The following XYLB variants were observed in gnomAD, a reference collection of about 807,000 sequenced individuals.
XYLB encodes xylulose kinase.
Under a neutral mutation model 78.7 loss-of-function variants are expected in XYLB, and 62 were observed. That is an observed-to-expected ratio of 0.79 (90% confidence interval 0.64 to 0.97). The LOEUF (loss-of-function observed/expected upper bound fraction) is 0.97. Ranked by LOEUF, XYLB falls within the 50% of genes least tolerant of loss-of-function variation. XYLB has a pLI of 0.00. For missense variants in XYLB, 687 were observed against 676.8 expected, an observed-to-expected ratio of 1.02 and a Z score of -0.17; for synonymous variants, 245 against 247.4, an observed-to-expected ratio of 0.99 and a Z score of 0.09.
chr3:38,444,677 G>A, the XYLB span, among the ~76,000 whole-genome samples: 5 of 152,128 alleles, frequency 3.3e-5, no homozygotes, highest in African/African-American at 2.4e-5. Flanking sequence ...CTTTATCAGG[G>A]TTTGCGGGTC....
intron 2 of XYLB, among the ~76,000 whole-genome samples, chr3:38,357,392 C>CT (rs56176736): frequency 0.95 from 137,641 of 145,360 alleles, 65,505 homozygotes; most frequent in East Asian, 1. Context: ...TCTCTACATC[C>CT]TTTTTTTTTT....
rs184285917 is a variant in XYLB at position 38,393,061 on chromosome 3, G to T, written c.1292-2444G>T. 2.8e-4 allele frequency among the ~76,000 whole-genome samples: 42 copies of T among 152,240 alleles called. 1 individual carries two copies. In the East Asian group the frequency reaches 7.7e-3, roughly 28 times the overall value. On this transcript the variant is annotated intron_variant, in intron 15 of 18. Transcript: ENST00000207870. ...TTTTCCAAACACTATTTACTAAGTG[G>T]TCTGTTTTACCCCATTACTTGTAGT...
chr3:38,396,967 G>T (rs1379030899), intron 16 of XYLB, 105 bp from the exon 17 acceptor site: 89 of 1,114,322 alleles, frequency 8.0e-5, no homozygotes, highest in Non-Finnish European at 1.1e-4. Flanking sequence ...GAATGGAAGG[G>T]GTCAGAAGAC....
intron 2 of XYLB, among the ~76,000 whole-genome samples, chr3:38,358,315 G>A (rs1301803020): frequency 6.7e-5 from 2 of 29,804 alleles, no homozygotes; most frequent in African/African-American, 1.9e-4. Flanking sequence ...TGTTTTGTGT[G>A]TGTGTGTGTG....
chr3:38,395,651 C>T (rs1707840895), intron 16 of XYLB, 88 bp downstream of exon 16: 2 of 1,379,532 alleles, frequency 1.4e-6, no homozygotes, highest in Admixed American at 3.5e-5. Context: ...GGACAGCCTC[C>T]ATTCCCACTC....
Position 38,370,107 on chromosome 3 carries a change from G to T in XYLB, c.698G>T (p.Cys233Phe), listed in dbSNP as rs747853343. Residue 233 changes from cysteine (C) to phenylalanine (F), a missense_variant, in exon 9 of 19, where the codon TGC becomes TTC. Cys to Phe is a radical substitution (Grantham distance 205). Coordinates refer to ENST00000207870, the MANE Select transcript of XYLB (RefSeq NM_005108.4). ...QIQDKVWSQA[C>F]LGACAPHLEE... is the part of the protein sequence containing the mutation. ...CAGGATAAAGTCTGGTCCCAGGCTT[G>T]CCTTGGTGCCTGTGCACCTCATTTA... 3.7e-6 allele frequency: 6 copies of T among 1,614,084 alleles called. No individual in the cohort carries two copies. Among genetic ancestry groups the T allele is most frequent in the African/African-American group, 1.3e-5 (1 of 74,926 alleles).
the XYLB span, among the ~76,000 whole-genome samples, chr3:38,444,507 CT>C: frequency 6.6e-6 from 1 of 152,152 alleles, no homozygotes; most frequent in South Asian, 2.1e-4. Flanking sequence ...GAAAAGAAAG[CT>C]TGGACATAAG....
At chr3:38,369,134 C>T (rs900387641) in intron 8 of XYLB, among the ~76,000 whole-genome samples, 5 of 152,076 alleles carry the variant, frequency 3.3e-5, no homozygotes, top group Admixed American at 1.3e-4. Flanking sequence ...CTCTGAGCCT[C>T]GTGGGAATTC....
At chr3:38,356,289 T>C (rs1705650640) in intron 2 of XYLB, 1 of 152,800 alleles carries the variant, frequency 6.5e-6, no homozygotes, top group Non-Finnish European at 1.5e-5. Context: ...ACTGTTTCTA[T>C]TGAAATGTAA....
chr3:38,380,527 C>T (rs935715046), intron 15 of XYLB, among the ~76,000 whole-genome samples: 1 of 152,110 alleles, frequency 6.6e-6, no homozygotes, highest in Non-Finnish European at 1.5e-5. Context: ...ACTCTATGGA[C>T]AATCCAAGTT....
At chr3:38,417,427 G>C (rs1053424888), downstream of XYLB, among the ~76,000 whole-genome samples, 1 of 152,084 alleles carries the variant, frequency 6.6e-6, no homozygotes, top group African/African-American at 2.4e-5. Context: ...TGTGAGTGAG[G>C]CTTTTGGTAC....
chr3:38,364,498 G>A (rs1243824411), intron 4 of XYLB, among the ~76,000 whole-genome samples: 2 of 151,522 alleles, frequency 1.3e-5, no homozygotes, highest in African/African-American at 4.8e-5. Flanking sequence ...TGCTCAGGCT[G>A]TCCCCTCTCT....
At chr3:38,388,544 T>C (rs1707497039) in intron 15 of XYLB, among the ~76,000 whole-genome samples, 1 of 152,192 alleles carries the variant, frequency 6.6e-6, no homozygotes, top group African/African-American at 2.4e-5. Context: ...AAAAAAAGTC[T>C]AGAAGCCTAT....
chr3:38,401,560 G>T (rs1575530637), intron 18 of XYLB, among the ~76,000 whole-genome samples: 1 of 152,188 alleles, frequency 6.6e-6, no homozygotes, highest in East Asian at 1.9e-4. Flanking sequence ...GCAATTTCTG[G>T]AGCCTAAGCT....
At chr3:38,431,488 G>A in the XYLB span, among the ~76,000 whole-genome samples, 8 of 152,166 alleles carry the variant, frequency 5.3e-5, no homozygotes, top group African/African-American at 1.2e-4. Context: ...CGATCATGTC[G>A]CCTGCAAAGA....
intron 2 of XYLB, among the ~76,000 whole-genome samples, chr3:38,352,207 T>C (rs908742412): frequency 2.0e-5 from 3 of 152,208 alleles, no homozygotes; most frequent in African/African-American, 7.2e-5. Context: ...TTTTTTCTTT[T>C]TTTCTTTCTT....
chr3:38,383,126 C>T (rs939773533), intron 15 of XYLB, among the ~76,000 whole-genome samples: 4 of 152,288 alleles, frequency 2.6e-5, no homozygotes, highest in South Asian at 2.1e-4. Flanking sequence ...AGTGTGTGCC[C>T]GGCCCAGTTC....
chr3:38,423,735 T>C (rs1436733424), downstream of XYLB, among the ~76,000 whole-genome samples: 1 of 152,222 alleles, frequency 6.6e-6, no homozygotes, highest in Non-Finnish European at 1.5e-5. Context: ...TGTTACATTA[T>C]TCATTATATG....
the XYLB span, among the ~76,000 whole-genome samples, chr3:38,427,537 A>T: frequency 1.3e-5 from 2 of 151,774 alleles, no homozygotes; most frequent in Non-Finnish European, 2.9e-5. Context: ...TATTTTATTG[A>T]TTTCCATTCT....
Sources: gnomAD v4.1 joint callset for allele counts (sites outside exome capture counted in the v4.1 genomes callset) on GRCh38, gnomAD v4.1.1 for gene constraint, MANE v1.5 for transcripts, NCBI Gene and HGNC (gene_info 2026-07-23, HGNC 2026-07-21) for gene names.